OLA1: variants seen among roughly 807,000 people sequenced by gnomAD.
OLA1 encodes Obg like ATPase 1.
Under a neutral mutation model 48.4 loss-of-function variants are expected in OLA1, and 14 were observed. That is an observed-to-expected ratio of 0.29 (90% confidence interval 0.19 to 0.45). The LOEUF is 0.45. Among genes scored for constraint, OLA1 ranks in the 20% least tolerant of loss-of-function variants. The probability of loss-of-function intolerance (pLI) is 1.00; values close to 1 mark genes in which losing one functional copy is unlikely to be tolerated. For missense variants in OLA1, 325 were observed against 467.1 expected, an observed-to-expected ratio of 0.70 and a Z score of 2.80; for synonymous variants, 127 against 150.4, an observed-to-expected ratio of 0.84 and a Z score of 1.14.
At chr2:174,137,803 T>C (rs1382058174) in intron 5 of OLA1, among the ~76,000 whole-genome samples, 1 of 152,260 alleles carries the variant, frequency 6.6e-6, no homozygotes, top group Non-Finnish European at 1.5e-5. Context: ...GACCTTGCTC[T>C]GGAATAGTCC....
chr2:174,247,339 C>T (rs1559025212), intron 1 of OLA1: 1 of 213,112 alleles, frequency 4.7e-6, no homozygotes, highest in East Asian at 1.1e-4. Context: ...CGCCACTGGG[C>T]TCTGCCTGAG....
intron 4 of OLA1, among the ~76,000 whole-genome samples, chr2:174,211,541 C>G (rs916836249): frequency 6.6e-6 from 1 of 152,000 alleles, no homozygotes; most frequent in African/African-American, 2.4e-5. Flanking sequence ...ATATCATATC[C>G]AAAACTGGTA....
chr2:174,223,910 G>C (rs1325975131), intron 3 of OLA1, among the ~76,000 whole-genome samples: 3 of 151,866 alleles, frequency 2.0e-5, no homozygotes, highest in Non-Finnish European at 2.9e-5. Context: ...TTTAACACCA[G>C]TTAAAAACCA....
chr2:174,130,853 C>T (rs796940277), intron 5 of OLA1, among the ~76,000 whole-genome samples: 2 of 152,102 alleles, frequency 1.3e-5, no homozygotes, highest in African/African-American at 4.8e-5. Context: ...AGCAGATGAA[C>T]TGACTTATGC....
At chr2:174,197,395 G>A (rs996597078) in intron 4 of OLA1, among the ~76,000 whole-genome samples, 3 of 151,424 alleles carry the variant, frequency 2.0e-5, no homozygotes, top group African/African-American at 7.3e-5. Flanking sequence ...TTAATAAAGC[G>A]CTAGAAGGTA....
intron 4 of OLA1, among the ~76,000 whole-genome samples, chr2:174,192,961 C>T (rs1182384849): frequency 6.6e-6 from 1 of 152,016 alleles, no homozygotes; most frequent in Non-Finnish European, 1.5e-5. Flanking sequence ...ACTACATGTC[C>T]ACGTGTGTAA....
At chr2:174,142,452 T>C (rs2105381183) in intron 4 of OLA1, among the ~76,000 whole-genome samples, 1 of 152,252 alleles carries the variant, frequency 6.6e-6, no homozygotes, top group Non-Finnish European at 1.5e-5. Context: ...CTGACGGTGA[T>C]TAGATAATGA....
chr2:174,084,126 T>A (rs1162708098), intron 7 of OLA1, among the ~76,000 whole-genome samples: 1 of 152,176 alleles, frequency 6.6e-6, no homozygotes, highest in South Asian at 2.1e-4. Flanking sequence ...TTAACTATAA[T>A]TGGCAAAAAA....
At chr2:174,236,016 A>T (rs1242360592) in intron 2 of OLA1, among the ~76,000 whole-genome samples, 1 of 152,162 alleles carries the variant, frequency 6.6e-6, no homozygotes, top group African/African-American at 2.4e-5. Context: ...ATATTAATCC[A>T]TCATAAGAAG....
At chr2:174,232,562 A>C (rs1201857206) in intron 2 of OLA1, among the ~76,000 whole-genome samples, 3 of 152,194 alleles carry the variant, frequency 2.0e-5, no homozygotes, top group Non-Finnish European at 4.4e-5. Flanking sequence ...GTCTGTTCTC[A>C]ACAGATTATT....
At chr2:174,168,575 A>T (rs1246101847) in intron 4 of OLA1, among the ~76,000 whole-genome samples, 2 of 152,160 alleles carry the variant, frequency 1.3e-5, no homozygotes, top group African/African-American at 4.8e-5. Context: ...GCTGAAAAAA[A>T]TTTTAAGTGT....
Position 174,079,050 on chromosome 2 carries a change from G to C in OLA1, c.1007C>G (p.Thr336Arg), listed in dbSNP as rs770368290. Residue 336 changes from threonine to arginine, a missense_variant, in exon 10 of 11, where the codon ACA (threonine) becomes AGA (arginine). Coordinates refer to ENST00000284719, the MANE Select transcript of OLA1 (RefSeq NM_013341.5). Reference protein sequence around the residue: ...KAPQAAGKIHTDFEKGFIMAE... With the variant: ...KAPQAAGKIHRDFEKGFIMAE... ...CATAATGAATCCCTTTTCAAAATCT[G>C]TGTGAATCTTTCCTGCAGCCTGAGG... The C allele has an allele frequency of 6.2e-7, 1 of 1,603,672 alleles. No individual in the cohort carries two copies. The highest frequency in any genetic ancestry group is 1.1e-5 in the South Asian group (1 of 89,954).
chr2:174,119,304 T>A (rs1477842498), intron 7 of OLA1, among the ~76,000 whole-genome samples: 1 of 152,096 alleles, frequency 6.6e-6, no homozygotes, highest in African/African-American at 2.4e-5. Context: ...TAAATAATAC[T>A]GTTAACAATA....
chr2:174,186,341 C>A (rs1027375600), intron 4 of OLA1, among the ~76,000 whole-genome samples: 4 of 152,126 alleles, frequency 2.6e-5, no homozygotes, highest in African/African-American at 9.7e-5. Context: ...ACTCCATAAT[C>A]CAAAAATCTG....
At position 174,072,659 on chromosome 2, in the gene OLA1, A is replaced by C. The variant is rs1316111913; in HGVS notation, c.*2767T>G. The stretch of plus-strand genomic sequence containing the variant: ...AGGAGATACCGTCTCTGACTCTCTG[A>C]ATGAAAGGAGACGGGGTTTACAAAG... On this transcript the variant is annotated 3_prime_UTR_variant, in exon 11 of 11. Coordinates refer to ENST00000284719, the MANE Select transcript of OLA1 (RefSeq NM_013341.5). 1 of 152,208 alleles carries C rather than the reference A, an allele frequency of 6.6e-6. No homozygotes were observed. The highest frequency in any genetic ancestry group is 1.9e-4 in the East Asian group (1 of 5,192). The allele number at this position is 152,208 out of a possible 1,614,324, so 9.4% of individuals were successfully genotyped here. A position where few individuals can be genotyped will look rare whatever the true frequency, so the allele number is the denominator to read the frequency against.
intron 4 of OLA1, among the ~76,000 whole-genome samples, chr2:174,193,525 T>C (rs1441298076): frequency 6.6e-6 from 1 of 152,188 alleles, no homozygotes. Flanking sequence ...AACTAAATAG[T>C]TTTTATGCCT....
chr2:174,122,359 A>G (rs1685932614), intron 7 of OLA1, among the ~76,000 whole-genome samples: 1 of 152,210 alleles, frequency 6.6e-6, no homozygotes, highest in Admixed American at 6.5e-5. Flanking sequence ...CTTTGATATC[A>G]TATGGAAATG....
At chr2:174,205,239 AT>A (rs1688083072) in intron 4 of OLA1, among the ~76,000 whole-genome samples, 1 of 152,232 alleles carries the variant, frequency 6.6e-6, no homozygotes, top group South Asian at 2.1e-4. Context: ...CCCAAATGAA[AT>A]TGTTACCTAC....
intron 4 of OLA1, among the ~76,000 whole-genome samples, chr2:174,218,337 A>G (rs1688412201): frequency 6.6e-6 from 1 of 152,210 alleles, no homozygotes; most frequent in Non-Finnish European, 1.5e-5. Context: ...ATTCATTTGT[A>G]CTGTAAAAAC....
Sources: allele counts gnomAD v4.1 joint callset (sites outside exome capture counted in the v4.1 genomes callset), GRCh38; gene constraint gnomAD v4.1.1; transcripts MANE v1.5; gene names NCBI Gene and HGNC (gene_info 2026-07-23, HGNC 2026-07-21).